Variants in ZYG11B observed in about 807,000 individuals in gnomAD.
ZYG11B encodes the protein protein zyg-11 homolog B.
In ZYG11B, 36 loss-of-function variants were observed where a neutral mutation model predicts 82.4. The observed-to-expected ratio is 0.44, with a 90% confidence interval of 0.33 to 0.58. ZYG11B has a LOEUF of 0.58. ZYG11B is among the 20% of genes least tolerant of loss of function. The pLI, the probability that ZYG11B is intolerant of heterozygous loss-of-function variation, is 0.02. For synonymous variants in ZYG11B, 303 were observed against 312.8 expected, an observed-to-expected ratio of 0.97 and a Z score of 0.33; for missense variants, 552 against 895.6, an observed-to-expected ratio of 0.62 and a Z score of 4.90.
chr1:52,792,999 C>T lies in ZYG11B; in HGVS notation c.1334+2932C>T, dbSNP rs1302919763. On this transcript the variant is annotated intron_variant, in intron 6 of 13. Coordinates refer to ENST00000294353, the MANE Select transcript of ZYG11B (RefSeq NM_024646.3). ...GTGACTACAGATGTGCGCCGCTACG[C>T]AAGGCTAATTTTGTATTTTTAGTAG... Among the ~76,000 whole-genome samples, 7 of 152,064 alleles carry T rather than the reference C, an allele frequency of 4.6e-5. No individual in the cohort carries two copies. In the East Asian group the frequency reaches 1.4e-3, roughly 29 times the overall value.
At chr1:52,797,231 T>C (rs1645027173) in intron 8 of ZYG11B, among the ~76,000 whole-genome samples, 1 of 81,694 alleles carries the variant, frequency 1.2e-5, no homozygotes, top group Non-Finnish European at 2.1e-5. Context: ...ATATATTATA[T>C]AATATAAATT....
At chr1:52,739,220 CG>C (rs1010656214) in intron 1 of ZYG11B, among the ~76,000 whole-genome samples, 7 of 151,970 alleles carry the variant, frequency 4.6e-5, no homozygotes, top group African/African-American at 1.7e-4. Context: ...CTCTTGACCT[CG>C]GGTGATCTGC....
chr1:52,746,170 C>T (rs1421741526), intron 1 of ZYG11B, among the ~76,000 whole-genome samples: 1 of 151,610 alleles, frequency 6.6e-6, no homozygotes, highest in Non-Finnish European at 1.5e-5. Context: ...CTGTGTTAGC[C>T]AGGATGGTCT....
chr1:52,773,647 T>A lies in ZYG11B; in HGVS notation c.951+1873T>A, dbSNP rs1250281549. ...TATATATTTTTTTTTTTTTTTTTTTTTTTTTTTTTTTTTGAGATGGAGTCT... is the reference window on the plus strand; with the variant it reads ...TATATATTTTTTTTTTTTTTTTTTTATTTTTTTTTTTTTGAGATGGAGTCT... On this transcript the variant is annotated intron_variant, in intron 3 of 13. Transcript: ENST00000294353. 4.1e-5 allele frequency among the ~76,000 whole-genome samples: 3 copies of A among 73,742 alleles called. No individual in the cohort carries two copies. The East Asian group carries it at 1.5e-3, about 37-fold the overall frequency. 48.4% of individuals were successfully genotyped at this position (73,742 alleles called of 152,430 possible).
chr1:52,818,086 C>T (rs1274594263), intron 13 of ZYG11B, among the ~76,000 whole-genome samples: 2 of 151,406 alleles, frequency 1.3e-5, no homozygotes, highest in Non-Finnish European at 2.9e-5. Context: ...GATCCACCGA[C>T]CTCGGCCTCC....
intron 1 of ZYG11B, among the ~76,000 whole-genome samples, chr1:52,747,897 T>C (rs529570359): frequency 3.9e-5 from 6 of 152,196 alleles, no homozygotes; most frequent in Admixed American, 3.9e-4. Context: ...ATAGCCTCAA[T>C]GTCCTTATCT....
intron 1 of ZYG11B, 85 bp downstream of exon 1, chr1:52,726,768 C>A: frequency 7.5e-7 from 1 of 1,331,944 alleles, no homozygotes; most frequent in Non-Finnish European, 9.8e-7. Context: ...TCTTGCCCCT[C>A]CCTGTCTCTG....
intron 2 of ZYG11B, among the ~76,000 whole-genome samples, chr1:52,756,925 C>T (rs1394852347): frequency 6.6e-6 from 1 of 151,402 alleles, no homozygotes; most frequent in Non-Finnish European, 1.5e-5. Flanking sequence ...TCAGGTGATC[C>T]TCCCAGCTCA....
At chr1:52,802,340 C>T (rs12068309) in intron 10 of ZYG11B, among the ~76,000 whole-genome samples, 26 of 78,080 alleles carry the variant, frequency 3.3e-4, no homozygotes, top group African/African-American at 1.1e-3. Context: ...TTCTTTCTCT[C>T]TTTTTTTTTT....
intron 3 of ZYG11B, chr1:52,772,144 GTTTTA>G: frequency 8.1e-7 from 1 of 1,233,346 alleles, no homozygotes; most frequent in South Asian, 1.2e-5. Context: ...TTTTGTTTTT[GTTTTA>G]TTTTAGTTAA....
rs555827258 is a variant in ZYG11B at position 52,825,229 on chromosome 1, C to G, written c.*3600C>G. 1 of 152,034 alleles carries G rather than the reference C, an allele frequency of 6.6e-6. No individual in the cohort carries two copies. The highest frequency in any genetic ancestry group is 2.1e-4 in the South Asian group (1 of 4,822). 9.4% of individuals were successfully genotyped at this position (152,034 alleles called of 1,614,324 possible). Reference sequence around the variant, plus strand: ...TTTCTACTCCACAAAATAATTTTTTCTTTTTGCAGTTGAAAATTAACTGCA... The same window carrying G: ...TTTCTACTCCACAAAATAATTTTTTGTTTTTGCAGTTGAAAATTAACTGCA... On this transcript the variant is annotated 3_prime_UTR_variant, in exon 14 of 14. Transcript: ENST00000294353.
At chr1:52,735,585 G>A in intron 1 of ZYG11B, among the ~76,000 whole-genome samples, 1 of 151,998 alleles carries the variant, frequency 6.6e-6, no homozygotes, top group East Asian at 1.9e-4. Flanking sequence ...CACCCAGACT[G>A]GAGTGCAGTG....
In ZYG11B at chr1:52,801,868, C is replaced by T. The variant is rs1261530512; in HGVS notation, c.1535C>T (p.Thr512Ile). Reference protein sequence around the residue: ...KQKTNQNSVDTTLKFTLSALW... With the variant: ...KQKTNQNSVDITLKFTLSALW... ...AAAACCAATCAAAATTCAGTGGACA[C>T]TACATTGAAATTTACTTTGAGTGCA... Residue 512 changes from threonine (T) to isoleucine (I), a missense_variant, in exon 9 of 14, where the codon ACT becomes ATT. By Grantham distance (89) the Thr-to-Ile change is moderately conservative (BLOSUM62 -1). This residue lies in a region of ZYG11B where 66 missense variants were observed against 176.4 expected (regional missense o/e 0.37). Transcript: ENST00000294353. The T allele has an allele frequency of 1.2e-6, 2 of 1,610,748 alleles. No homozygotes were observed. Among genetic ancestry groups the T allele is most frequent in the Admixed American group, 1.7e-5 (1 of 59,550 alleles).
chr1:52,820,993 G>A (rs1281256185), intron 13 of ZYG11B, among the ~76,000 whole-genome samples: 1 of 151,566 alleles, frequency 6.6e-6, no homozygotes, highest in Admixed American at 6.6e-5. Flanking sequence ...TCCAGGCTGA[G>A]GCACAAGAAT....
chr1:52,791,626 C>T (rs1644960932), intron 6 of ZYG11B, among the ~76,000 whole-genome samples: 1 of 152,168 alleles, frequency 6.6e-6, no homozygotes, highest in Non-Finnish European at 1.5e-5. Context: ...ACCTCGGCCT[C>T]CCAAATTGCT....
chr1:52,739,236 C>A (rs1644404150), intron 1 of ZYG11B, among the ~76,000 whole-genome samples: 1 of 152,092 alleles, frequency 6.6e-6, no homozygotes, highest in African/African-American at 2.4e-5. Flanking sequence ...ATCTGCCCAC[C>A]TCGGCCTCCC....
rs1571776100 is a variant in ZYG11B at position 52,783,872 on chromosome 1, ACGTG to A, written c.1093-1004_1093-1001del. Reference sequence around the variant, plus strand: ...TACACGTGTGTGTGTATGTACATACACGTGTGTGTATATGTACATACACGTGTGT... The same window carrying A: ...TACACGTGTGTGTGTATGTACATACATGTGTATATGTACATACACGTGTGT... On this transcript the variant is annotated intron_variant, in intron 4 of 13. Transcript: ENST00000294353. Among the ~76,000 whole-genome samples, 50 of 138,116 alleles carry A rather than the reference ACGTG, an allele frequency of 3.6e-4. 1 individual carries two copies. The highest frequency in any genetic ancestry group is 1.4e-3 in the African/African-American group (44 of 32,342). 90.6% of individuals were successfully genotyped at this position (138,116 alleles called of 152,430 possible).
chr1:52,786,194 G>A (rs1353937989), intron 5 of ZYG11B, among the ~76,000 whole-genome samples: 2 of 152,102 alleles, frequency 1.3e-5, no homozygotes, highest in African/African-American at 2.4e-5. Flanking sequence ...AAAATTCACT[G>A]GCAAAGTTGA....
At chr1:52,765,079 G>T (rs763734626) in intron 2 of ZYG11B, among the ~76,000 whole-genome samples, 3 of 151,266 alleles carry the variant, frequency 2.0e-5, no homozygotes, top group Admixed American at 6.6e-5. Context: ...TAGAGATGGA[G>T]TCGCACTATG....
Sources: allele counts gnomAD v4.1 joint callset (sites outside exome capture counted in the v4.1 genomes callset), GRCh38; gene constraint gnomAD v4.1.1; regional missense constraint gnomAD v4.1.1; transcripts MANE v1.5; gene names NCBI Gene and HGNC (gene_info 2026-07-23, HGNC 2026-07-21).